Variants in CCNJ observed in about 807,000 individuals in gnomAD.
CCNJ encodes the protein cyclin-J.
In CCNJ, 12 loss-of-function variants were observed where a neutral mutation model predicts 41.4. That is an observed-to-expected ratio of 0.29 (90% CI 0.19 to 0.47). The LOEUF is 0.47. Among genes scored for constraint, CCNJ ranks in the 20% least tolerant of loss-of-function variants. The pLI is 1.00. For missense variants in CCNJ, 340 were observed against 464.6 expected (o/e 0.73, Z 2.47); for synonymous variants, 161 against 173.4 (o/e 0.93, Z 0.56).
intron 3 of CCNJ, among the ~76,000 whole-genome samples, chr10:96,056,029 G>T (rs949357405): frequency 6.6e-6 from 1 of 152,186 alleles, no homozygotes; most frequent in Non-Finnish European, 1.5e-5. Flanking sequence ...TCTCCTCTTG[G>T]CCGGGCGCAG....
At chr10:96,056,655 A>G in intron 3 of CCNJ, 46 bp from the exon 4 acceptor site, 1 of 1,399,926 alleles carries the variant, frequency 7.1e-7, no homozygotes. Context: ...AATAATGATC[A>G]CTTGCCTGAC....
At chr10:96,057,762 G>T (rs1376961957) in intron 5 of CCNJ, 68 bp from the exon 6 acceptor site, 61 of 1,445,664 alleles carry the variant, frequency 4.2e-5, no homozygotes, top group Non-Finnish European at 5.6e-5. Context: ...TGGGGATGGG[G>T]CATGATTTTC....
Position 96,058,171 on chromosome 10 carries a change from G to C in CCNJ, c.1082G>C (p.Ser361Thr), listed in dbSNP as rs2080745905. The C allele has an allele frequency of 3.7e-6, 6 of 1,613,984 alleles. No individual in the cohort carries two copies. The highest frequency in any genetic ancestry group is 5.1e-6 in the Non-Finnish European group (6 of 1,179,970). The change falls in exon 6 of 6, where the codon AGT (serine) becomes ACT (threonine). Residue 361 changes from serine (S) to threonine (T), a missense_variant. Coordinates refer to ENST00000465148, the MANE Select transcript of CCNJ (RefSeq NM_001134375.2). ...CCAGTAGAAGTTAAGCCCTGTCTGAGTGTTTCTTACAACCGGAGTTATCAG... is the reference window on the plus strand; with the variant it reads ...CCAGTAGAAGTTAAGCCCTGTCTGACTGTTTCTTACAACCGGAGTTATCAG... Reference protein sequence around the residue: ...AIPVEVKPCLSVSYNRSYQIN... With the variant: ...AIPVEVKPCLTVSYNRSYQIN...
intron 1 of CCNJ, among the ~76,000 whole-genome samples, chr10:96,044,031 G>C (rs2080288459): frequency 6.6e-6 from 1 of 152,218 alleles, no homozygotes; most frequent in Non-Finnish European, 1.5e-5. Context: ...CCCGGACGCA[G>C]GGAGCCCCAG....
Position 96,056,686 on chromosome 10 carries a change from C to T in CCNJ, c.281-15C>T, listed in dbSNP as rs2080706177. 3.2e-6 allele frequency: 5 copies of T among 1,563,142 alleles called. No homozygotes were observed. Among genetic ancestry groups the T allele is most frequent in the East Asian group, 2.2e-5 (1 of 44,626 alleles). On this transcript the variant is annotated splice_polypyrimidine_tract_variant and intron_variant, in intron 3 of 5. Transcript: ENST00000465148. The stretch of plus-strand genomic sequence containing the variant: ...CTGACATTTTCTCTCCCCTCCCATC[C>T]CCTTTTCTTATAAGGTAAATTTGAA...
rs1252429838 is a variant in CCNJ at position 96,058,836 on chromosome 10, C to CT, written c.*596dup. ...TTCGTCTCACAAATAGTGTAGGTAT[C>CT]TGGGTTTATATACTAAAATTAAGGG... On this transcript the variant is annotated 3_prime_UTR_variant, in exon 6 of 6. Coordinates refer to ENST00000465148, the MANE Select transcript of CCNJ (RefSeq NM_001134375.2). 3 of 215,994 alleles carry CT rather than the reference C, an allele frequency of 1.4e-5. No homozygotes were observed. Among genetic ancestry groups the CT allele is most frequent in the African/African-American group, 6.8e-5 (3 of 43,980 alleles). The allele number at this position is 215,994 out of a possible 1,614,324, so 13.4% of individuals were successfully genotyped here. A position where few individuals can be genotyped will look rare whatever the true frequency, so the allele number is the denominator to read the frequency against.
intron 5 of CCNJ, 61 bp downstream of exon 5, chr10:96,057,308 T>G: frequency 2.7e-6 from 4 of 1,456,804 alleles, no homozygotes; most frequent in Admixed American, 3.6e-5. Context: ...ATGTATGAGG[T>G]GCCCTGAAAA....
At position 96,059,531 on chromosome 10, in the gene CCNJ, TAAA is replaced by T. The variant is rs1358011425; in HGVS notation, c.*1293_*1295del. 4 of 152,418 alleles carry T rather than the reference TAAA, an allele frequency of 2.6e-5. No homozygotes were observed. The highest frequency in any genetic ancestry group is 9.6e-5 in the African/African-American group (4 of 41,566). The allele number at this position is 152,418 out of a possible 1,614,324, so 9.4% of individuals were successfully genotyped here. On this transcript the variant is annotated 3_prime_UTR_variant, in exon 6 of 6. Transcript: ENST00000465148. ...GTAAAGCATTTTGGAGGAATAACCT[TAAA>T]AAGTTAAAAAGTCATTGTAATAACT...
In CCNJ at chr10:96,051,196, A is replaced by G. The variant is rs12221239; in HGVS notation, c.280+730A>G. On this transcript the variant is annotated intron_variant, in intron 3 of 5. Coordinates refer to ENST00000465148, the MANE Select transcript of CCNJ (RefSeq NM_001134375.2). The stretch of plus-strand genomic sequence containing the variant: ...CTCCAAGATACAATCTGATACAACC[A>G]TATTTGTTACTTAGTACAGAATATA... Among the ~76,000 whole-genome samples, 5,575 of 152,330 alleles carry G rather than the reference A, an allele frequency of 0.037. 789 individuals are homozygous for G. In the East Asian group the frequency reaches 0.5, roughly 14 times the overall value.
At chr10:96,049,481 C>CTTTTTTTTTTTTTTTTTTTTTTTTT in intron 2 of CCNJ, among the ~76,000 whole-genome samples, 1 of 108,300 alleles carries the variant, frequency 9.2e-6, no homozygotes. Flanking sequence ...TTTTCTTTTT[C>CTTTTTTTTTTTTTTTTTTTTTTTTT]TTTTTTTTTT....
intron 3 of CCNJ, among the ~76,000 whole-genome samples, chr10:96,055,778 T>C (rs765123031): frequency 6.6e-6 from 1 of 152,220 alleles, no homozygotes; most frequent in Non-Finnish European, 1.5e-5. Context: ...TAAAAGCAGA[T>C]ATAAACTATC....
chr10:96,058,312 T>G lies in CCNJ; in HGVS notation c.*71T>G. Reference sequence around the variant, plus strand: ...AGCTATGGGTAAGCGTTTTGTAAACTTCTGTTCAAAAGGAAAGGGATCTAA... The same window carrying G: ...AGCTATGGGTAAGCGTTTTGTAAACGTCTGTTCAAAAGGAAAGGGATCTAA... On this transcript the variant is annotated 3_prime_UTR_variant, in exon 6 of 6. Coordinates refer to ENST00000465148, the MANE Select transcript of CCNJ (RefSeq NM_001134375.2). 6 of 1,349,248 alleles carry G rather than the reference T, an allele frequency of 4.4e-6. No homozygotes were observed. Among genetic ancestry groups the G allele is most frequent in the Non-Finnish European group, 6.2e-6 (6 of 972,988 alleles). 83.6% of individuals were successfully genotyped at this position (1,349,248 alleles called of 1,614,324 possible).
chr10:96,045,199 C>T (rs959738993), intron 2 of CCNJ, among the ~76,000 whole-genome samples: 3 of 152,146 alleles, frequency 2.0e-5, no homozygotes, highest in Admixed American at 1.3e-4. Flanking sequence ...TATTAAGTAA[C>T]GGTTTTACTC....
chr10:96,051,939 G>T lies in CCNJ; in HGVS notation c.280+1473G>T, dbSNP rs2080536445. 3.9e-5 allele frequency among the ~76,000 whole-genome samples: 6 copies of T among 152,148 alleles called. 1 individual carries two copies. In the South Asian group the frequency reaches 1.2e-3, roughly 32 times the overall value. On this transcript the variant is annotated intron_variant, in intron 3 of 5. Coordinates refer to ENST00000465148, the MANE Select transcript of CCNJ (RefSeq NM_001134375.2). ...ATTAAGGTGGAAACTGCTTAATGTAGTGTTTAGAATCTTTCATCTGGACCC... is the reference window on the plus strand; with the variant it reads ...ATTAAGGTGGAAACTGCTTAATGTATTGTTTAGAATCTTTCATCTGGACCC...
At chr10:96,048,750 ATAT>A (rs1172069819) in intron 2 of CCNJ, among the ~76,000 whole-genome samples, 1 of 151,528 alleles carries the variant, frequency 6.6e-6, no homozygotes, top group Non-Finnish European at 1.5e-5. Flanking sequence ...ACCATGTAGT[ATAT>A]TATAAGAATT....
At chr10:96,052,823 C>T (rs1298861820) in intron 3 of CCNJ, among the ~76,000 whole-genome samples, 1 of 152,134 alleles carries the variant, frequency 6.6e-6, no homozygotes, top group Non-Finnish European at 1.5e-5. Flanking sequence ...CTTCCTTTTG[C>T]ATTGGAGAGT....
chr10:96,057,900 A>T lies in CCNJ; in HGVS notation c.811A>T (p.Ser271Cys), dbSNP rs1298595733. The T allele has an allele frequency of 6.2e-7, 1 of 1,614,190 alleles. No homozygotes were observed. ...AGCAGGACCTCAGTCAGCGCAACTA[A>T]GTGTATTCCAGACAGCCTCCCAGCC... Reference protein sequence around the residue: ...GQAGPQSAQLSVFQTASQPSR... With the variant: ...GQAGPQSAQLCVFQTASQPSR... Residue 271 changes from serine to cysteine, a missense_variant, in exon 6 of 6, where the codon AGT (serine) becomes TGT (cysteine). Ser to Cys is a moderately radical substitution (Grantham distance 112, BLOSUM62 -1). Coordinates refer to ENST00000465148, the MANE Select transcript of CCNJ (RefSeq NM_001134375.2).
chr10:96,047,616 C>T (rs1365287063), intron 2 of CCNJ, among the ~76,000 whole-genome samples: 1 of 152,154 alleles, frequency 6.6e-6, no homozygotes, highest in African/African-American at 2.4e-5. Flanking sequence ...CCAGCCTGGG[C>T]TACAGGAAAC....
In CCNJ at chr10:96,044,210, C is replaced by G. The variant is rs2080295710; in HGVS notation, c.-41-143C>G. On this transcript the variant is annotated intron_variant, in intron 1 of 5. Coordinates refer to ENST00000465148, the MANE Select transcript of CCNJ (RefSeq NM_001134375.2). ...GCTTCGCGTGTGGCGTTGGGGGAAA[C>G]GACTCGGGTCGGGCTGGGTTGAGGA... is the stretch of plus-strand genomic sequence containing the variant. 1.4e-5 allele frequency: 6 copies of G among 417,342 alleles called. No individual in the cohort carries two copies. In the South Asian group the frequency reaches 2.7e-4, roughly 19 times the overall value. The allele number at this position is 417,342 out of a possible 1,614,324, so 25.9% of individuals were successfully genotyped here. A position where few individuals can be genotyped will look rare whatever the true frequency, so the allele number is the denominator to read the frequency against.
Sources: allele counts gnomAD v4.1 joint callset (sites outside exome capture counted in the v4.1 genomes callset), GRCh38; gene constraint gnomAD v4.1.1; transcripts MANE v1.5; gene names NCBI Gene and HGNC (gene_info 2026-07-23, HGNC 2026-07-21).